Variants in GSG1 observed in about 807,000 individuals in gnomAD.
The protein encoded by GSG1 is germ cell associated 1, also known as germ cell-specific gene 1 protein.
GSG1 carries 28 observed loss-of-function variants against 30.8 expected under a neutral mutation model. The ratio of observed to expected loss-of-function variants is 0.91; its 90% CI spans 0.67 to 1.25. GSG1 has a LOEUF of 1.25. Ranked by LOEUF, GSG1 falls within the 50% of genes most tolerant of loss-of-function variation. The pLI is 0.00. For synonymous variants in GSG1, 162 were observed against 178.0 expected (o/e 0.91, Z 0.71); for missense variants, 435 against 444.7 (o/e 0.98, Z 0.20).
intron 6 of GSG1, among the ~76,000 whole-genome samples, chr12:13,086,156 G>A (rs191690287): frequency 6.6e-6 from 1 of 152,314 alleles, no homozygotes; most frequent in East Asian, 1.9e-4. Flanking sequence ...AATGCAGTAG[G>A]TTCAGTCTGG....
rs2120826698 is a variant in GSG1, at chr12:13,093,275, T to A, written c.49-2457A>T. On this transcript the variant is annotated intron_variant, in intron 1 of 6. Coordinates refer to ENST00000651961, the MANE Select transcript of GSG1 (RefSeq NM_001080555.4). This position sits in a 1 kb window ranked among gnomAD's most constrained non-coding sequence, Gnocchi z 4.6. Reference sequence around the variant, plus strand: ...GCATTCCAAATGCTCTTTGTGATAATCGTTTTTGGCTTTGTCTTCACTGAC... The same window carrying A: ...GCATTCCAAATGCTCTTTGTGATAAACGTTTTTGGCTTTGTCTTCACTGAC... 6.6e-6 allele frequency among the ~76,000 whole-genome samples: 1 copy of A among 152,250 alleles called. No homozygotes were observed. The highest frequency in any genetic ancestry group is 3.4e-3 in the Middle Eastern group (1 of 294).
At position 13,088,040 on chromosome 12, in the gene GSG1, C is replaced by G. The variant is rs1379133419; in HGVS notation, c.501G>C (p.Leu167=). 6.2e-7 allele frequency: 1 copy of G among 1,614,206 alleles called. No individual in the cohort carries two copies. ...GTCCGATGTAGGTGATCTGCGTTCC[C>G]AGGGATAACCATAGGATTTCTGCCA... is the stretch of plus-strand genomic sequence containing the variant. The part of the protein sequence containing the change: ...PAKREILWLS[L]GTQITYIGLQ... The change falls in exon 5 of 7, where the codon CTG becomes CTC. Residue 167 remains leucine, a synonymous_variant. Transcript: ENST00000651961.
chr12:13,085,811 C>T (rs546949623), intron 6 of GSG1, among the ~76,000 whole-genome samples: 9 of 152,218 alleles, frequency 5.9e-5, no homozygotes, highest in African/African-American at 2.2e-4. Context: ...AAAACATTTA[C>T]TACAAATCAG....
chr12:13,093,047 C>T lies in GSG1; in HGVS notation c.49-2229G>A, dbSNP rs539531960. Among the ~76,000 whole-genome samples, 11 of 151,876 alleles carry T rather than the reference C, an allele frequency of 7.2e-5. No individual in the cohort carries two copies. The highest frequency in any genetic ancestry group is 3.9e-4 in the East Asian group (2 of 5,182). On this transcript the variant is annotated intron_variant, in intron 1 of 6. Transcript: ENST00000651961. The surrounding 1 kb of genome is among the most constrained non-coding windows in gnomAD (Gnocchi z 4.6). ...CTGATCTTAGGTAATCTGCCCGCCT[C>T]GGCCTCCCAAAGTGCTGGGATTACA...
At chr12:13,100,012 G>A (rs576858484) in intron 1 of GSG1, among the ~76,000 whole-genome samples, 1 of 152,300 alleles carries the variant, frequency 6.6e-6, no homozygotes, top group Non-Finnish European at 1.5e-5. Context: ...TGCCTCTCTC[G>A]TGTAACTCAT....
rs1382032345 is a variant in GSG1 at position 13,088,854 on chromosome 12, T to C, written c.481+8A>G. 5 of 1,614,176 alleles carry C rather than the reference T, an allele frequency of 3.1e-6. No individual in the cohort carries two copies. The highest frequency in any genetic ancestry group is 1.1e-5 in the South Asian group (1 of 91,086). On this transcript the variant is annotated splice_region_variant and intron_variant, in intron 4 of 6. Transcript: ENST00000651961. ...GCAACGTGGCAAATTCCAGTAGTCCTTTCTCACCTCTCTTGGCTGGTGGTG... is the reference window on the plus strand; with the variant it reads ...GCAACGTGGCAAATTCCAGTAGTCCCTTCTCACCTCTCTTGGCTGGTGGTG...
intron 1 of GSG1, among the ~76,000 whole-genome samples, chr12:13,100,797 G>A (rs1565552718): frequency 2.0e-5 from 3 of 152,102 alleles, no homozygotes; most frequent in African/African-American, 2.4e-5. Context: ...TCACTGTAGG[G>A]CACTTAGCTC....
chr12:13,090,944 G>T, intron 1 of GSG1, 126 bp from the exon 2 acceptor site: 1 of 759,196 alleles, frequency 1.3e-6, no homozygotes, highest in Non-Finnish European at 2.1e-6. Context: ...AGGCAGATAG[G>T]CACAACCCGC....
chr12:13,100,792 G>A (rs954126179), intron 1 of GSG1, among the ~76,000 whole-genome samples: 1 of 152,152 alleles, frequency 6.6e-6, no homozygotes, highest in African/African-American at 2.4e-5. Context: ...CTACATCACT[G>A]TAGGGCACTT....
intron 2 of GSG1, 102 bp from the exon 3 acceptor site, chr12:13,089,378 A>G (rs756078323): frequency 5.2e-6 from 8 of 1,526,930 alleles, no homozygotes; most frequent in Non-Finnish European, 7.0e-6. Context: ...CAGATATCAA[A>G]TTGTTCATGA....
chr12:13,103,461 C>T lies in GSG1; in HGVS notation c.48+4G>A. On this transcript the variant is annotated splice_donor_region_variant and intron_variant, in intron 1 of 6. Transcript: ENST00000651961. ...TCATGAGATTTCAAAATCACTGTAC[C>T]TACCTCCTGGGTGAGGCAAACATTT... 6.2e-7 allele frequency: 1 copy of T among 1,611,060 alleles called. No homozygotes were observed. The highest frequency in any genetic ancestry group is 8.5e-7 in the Non-Finnish European group (1 of 1,177,256).
intron 1 of GSG1, among the ~76,000 whole-genome samples, chr12:13,098,600 GT>G (rs1457340326): frequency 1.3e-5 from 2 of 148,548 alleles, no homozygotes; most frequent in African/African-American, 5.0e-5. Context: ...TTCCTGATGA[GT>G]TTTGTGCACA....
intron 6 of GSG1, among the ~76,000 whole-genome samples, 194 bp downstream of exon 6, chr12:13,086,958 A>G (rs1865589959): frequency 6.6e-6 from 1 of 152,218 alleles, no homozygotes; most frequent in Non-Finnish European, 1.5e-5. Flanking sequence ...CACTCGAGGA[A>G]TCCTTCCTGT....
chr12:13,098,843 G>A (rs752015939), intron 1 of GSG1, among the ~76,000 whole-genome samples: 1 of 152,122 alleles, frequency 6.6e-6, no homozygotes, highest in Non-Finnish European at 1.5e-5. Context: ...GGATGGGAGT[G>A]GCAGACTCTT....
At chr12:13,094,872 T>G (rs1866523801) in intron 1 of GSG1, among the ~76,000 whole-genome samples, 1 of 152,184 alleles carries the variant, frequency 6.6e-6, no homozygotes, top group Non-Finnish European at 1.5e-5. Flanking sequence ...CCACTTCAAG[T>G]TATATATATT....
At position 13,095,845 on chromosome 12, in the gene GSG1, A is replaced by C. The variant is rs140842829; in HGVS notation, c.49-5027T>G. 4.3e-4 allele frequency: 597 copies of C among 1,384,658 alleles called. 3 individuals are homozygous for C. In the African/African-American group the frequency reaches 7.7e-3, roughly 18 times the overall value. 85.8% of individuals were successfully genotyped at this position (1,384,658 alleles called of 1,614,324 possible). On this transcript the variant is annotated intron_variant, in intron 1 of 6. Coordinates refer to ENST00000651961, the MANE Select transcript of GSG1 (RefSeq NM_001080555.4). ...GGGCCCAGCTGTTCTGGGAGATTAC[A>C]CCAGAGAGCTTGCCAATGGGGATCT...
chr12:13,102,151 A>T lies in GSG1; in HGVS notation c.48+1314T>A, dbSNP rs191055970. ...TGAGGGTTCCGATTCGGAGGGTTTG[A>T]CTTGCTCAAGGCCACAAAGCTAGTA... On this transcript the variant is annotated intron_variant, in intron 1 of 6. Coordinates refer to ENST00000651961, the MANE Select transcript of GSG1 (RefSeq NM_001080555.4). Among the ~76,000 whole-genome samples the T allele has an allele frequency of 6.9e-4, 105 of 152,274 alleles. No individual in the cohort carries two copies. The Middle Eastern group carries it at 0.01, about 15-fold the overall frequency.
chr12:13,088,757 G>T (rs965068514), intron 4 of GSG1, 105 bp downstream of exon 4: 9 of 1,612,612 alleles, frequency 5.6e-6, no homozygotes, highest in Middle Eastern at 3.5e-4. Flanking sequence ...AGCCCCAAGG[G>T]AGGGGAGGGG....
rs762267608 is a variant in GSG1 at position 13,103,342 on chromosome 12, AGCTC to A, written c.48+119_48+122del. On this transcript the variant is annotated intron_variant, in intron 1 of 6. Transcript: ENST00000651961. ...TGTAGAACCCTATAGTGCATTTCCA[AGCTC>A]TTTACTGTGACCATGTGAAATACAT... The A allele has an allele frequency of 5.1e-6, 4 of 789,268 alleles. No individual in the cohort carries two copies. The East Asian group carries it at 7.4e-5, about 15-fold the overall frequency. 48.9% of individuals were successfully genotyped at this position (789,268 alleles called of 1,614,324 possible).
Sources: allele counts gnomAD v4.1 joint callset (sites outside exome capture counted in the v4.1 genomes callset), GRCh38; gene constraint gnomAD v4.1.1; non-coding constraint Gnocchi (gnomAD v3.1); transcripts MANE v1.5; gene names NCBI Gene and HGNC (gene_info 2026-07-23, HGNC 2026-07-21).